The following HIRA variants were observed in gnomAD, a reference collection of about 807,000 sequenced individuals.
The protein encoded by HIRA is histone cell cycle regulator.
HIRA carries 13 observed loss-of-function variants against 126.6 expected under a neutral mutation model. The ratio of observed to expected loss-of-function variants is 0.10; its 90% confidence interval spans 0.07 to 0.16. The LOEUF is 0.16. Among genes scored for constraint, HIRA ranks in the 10% least tolerant of loss-of-function variants. HIRA has a pLI of 1.00. For synonymous variants in HIRA, 511 were observed against 520.0 expected (o/e 0.98, Z 0.24); for missense variants, 834 against 1,314.4 (o/e 0.63, Z 5.65).
chr22:19,430,048 C>T (rs1473568613), intron 1 of HIRA: 3 of 152,178 alleles, frequency 2.0e-5, no homozygotes, highest in African/African-American at 7.2e-5. Context: ...CACAGTAAAC[C>T]TAACTTCATC....
At chr22:19,345,357 T>G (rs1302434149) in intron 24 of HIRA, among the ~76,000 whole-genome samples, 5 of 152,224 alleles carry the variant, frequency 3.3e-5, no homozygotes, top group African/African-American at 1.2e-4. Flanking sequence ...CAGCCAAGTA[T>G]TATTGATATT....
chr22:19,423,514 CACACACACACAT>C (rs1430896004), intron 1 of HIRA, among the ~76,000 whole-genome samples: 1,462 of 112,454 alleles, frequency 0.013, 28 homozygotes, highest in East Asian at 0.078. Flanking sequence ...CACACACACA[CACACACACACAT>C]ATTTTCAGCT....
At chr22:19,353,891 A>C in intron 22 of HIRA, 105 bp downstream of exon 22, 1 of 1,375,538 alleles carries the variant, frequency 7.3e-7, no homozygotes, top group Non-Finnish European at 9.9e-7. Flanking sequence ...GCACAGGGGA[A>C]GGGCAGGTGG....
intron 15 of HIRA, among the ~76,000 whole-genome samples, chr22:19,364,152 A>G (rs1296938982): frequency 6.6e-6 from 1 of 151,952 alleles, no homozygotes; most frequent in Non-Finnish European, 1.5e-5. Context: ...TCTAACAAAT[A>G]AAGTCTATTA....
intron 1 of HIRA, among the ~76,000 whole-genome samples, chr22:19,425,945 A>C (rs1275086324): frequency 6.6e-6 from 1 of 152,202 alleles, no homozygotes; most frequent in East Asian, 1.9e-4. Context: ...CGGGAGGTGG[A>C]GGTTGCAGTG....
chr22:19,339,635 C>CA (rs147574342), intron 24 of HIRA, among the ~76,000 whole-genome samples: 7,381 of 68,240 alleles, frequency 0.11, 243 homozygotes, highest in South Asian at 0.22. Flanking sequence ...GACTCCGTCT[C>CA]AAAAAAAAAA....
At chr22:19,336,720 T>G (rs1556006017) in intron 24 of HIRA, among the ~76,000 whole-genome samples, 1 of 152,212 alleles carries the variant, frequency 6.6e-6, no homozygotes. Context: ...CCGGGTTCTT[T>G]GCAGACGTTC....
chr22:19,364,539 C>A (rs1279236938), intron 15 of HIRA, among the ~76,000 whole-genome samples: 1 of 152,168 alleles, frequency 6.6e-6, no homozygotes, highest in Non-Finnish European at 1.5e-5. Flanking sequence ...CAAACATTTT[C>A]ATTCTTATTG....
intron 7 of HIRA, among the ~76,000 whole-genome samples, chr22:19,395,141 C>T (rs1399230623): frequency 1.3e-5 from 2 of 152,170 alleles, no homozygotes; most frequent in East Asian, 3.9e-4. Context: ...CAGAGCATCC[C>T]TCCACATTAT....
rs3214093 is a variant in HIRA, at chr22:19,410,790, GA to G, written c.38-13del. Reference sequence around the variant, plus strand: ...AAAAATCGGCTTGCCTGGAAACAAAGAAAAAAAAATACAGTATCTAAATTGG... The same window carrying G: ...AAAAATCGGCTTGCCTGGAAACAAAGAAAAAAAATACAGTATCTAAATTGG... On this transcript the variant is annotated splice_polypyrimidine_tract_variant and intron_variant, in intron 1 of 24. Transcript: ENST00000263208. The G allele has an allele frequency of 9.4e-5, 148 of 1,571,370 alleles. 1 individual carries two copies. The highest frequency in any genetic ancestry group is 1.1e-4 in the South Asian group (9 of 84,044).
intron 1 of HIRA, among the ~76,000 whole-genome samples, chr22:19,429,372 G>T (rs942112567): frequency 5.9e-5 from 9 of 152,008 alleles, no homozygotes; most frequent in African/African-American, 2.2e-4. Context: ...TCTTGACCTC[G>T]TGATCCACCT....
chr22:19,410,694 T>C, intron 2 of HIRA, 22 bp downstream of exon 2: 1 of 1,596,282 alleles, frequency 6.3e-7, no homozygotes, highest in Non-Finnish European at 8.6e-7. Context: ...AAGCTTTCCC[T>C]TTCTTTATTC....
chr22:19,338,698 A>G (rs1254929180), intron 24 of HIRA, among the ~76,000 whole-genome samples: 2 of 152,256 alleles, frequency 1.3e-5, no homozygotes, highest in African/African-American at 4.8e-5. Context: ...ACTTTAAAGC[A>G]ACAATAGTTG....
intron 9 of HIRA, among the ~76,000 whole-genome samples, chr22:19,389,087 C>CCGACTATTAATACTTTGATGAATTATTAT (rs2089153634): frequency 6.6e-6 from 1 of 152,176 alleles, no homozygotes; most frequent in Non-Finnish European, 1.5e-5. Context: ...GGCCTAGTTA[C>CCGACTATTAATACTTTGATGAATTATTAT]CGACTATTAA....
intron 17 of HIRA, among the ~76,000 whole-genome samples, chr22:19,360,631 G>A (rs1182028461): frequency 1.3e-5 from 2 of 152,172 alleles, no homozygotes; most frequent in Non-Finnish European, 2.9e-5. Flanking sequence ...GAGGTACAAG[G>A]GTATGCAGAG....
intron 5 of HIRA, among the ~76,000 whole-genome samples, chr22:19,403,745 T>C (rs530133619): frequency 6.6e-6 from 1 of 152,364 alleles, no homozygotes; most frequent in East Asian, 1.9e-4. Context: ...TTTCTTGTAT[T>C]TTCCAGATAC....
Position 19,331,550 on chromosome 22 carries a change from G to A in HIRA, c.2944C>T (p.Arg982Trp), listed in dbSNP as rs1556004628. The A allele has an allele frequency of 6.3e-6, 10 of 1,598,704 alleles. No homozygotes were observed. Among genetic ancestry groups the A allele is most frequent in the African/African-American group, 1.3e-5 (1 of 74,876 alleles). ...SQWESTVVGL[R>W]KRELLKELLP... The stretch of plus-strand genomic sequence containing the variant: ...AGCTCCTTCAGCAGCTCCCTCTTCC[G>A]CAGACCCTGTGGACACAGAGTGACA... Residue 982 changes from arginine (R) to tryptophan (W), a missense_variant, in exon 25 of 25, where the codon CGG becomes TGG. Coordinates refer to ENST00000263208, the MANE Select transcript of HIRA (RefSeq NM_003325.4).
intron 24 of HIRA, among the ~76,000 whole-genome samples, chr22:19,345,747 C>T (rs1349519464): frequency 6.6e-6 from 1 of 152,150 alleles, no homozygotes; most frequent in African/African-American, 2.4e-5. Context: ...CACTGAAGAC[C>T]ACAGCAAAGG....
chr22:19,359,253 C>A (rs930972860), intron 18 of HIRA, 83 bp downstream of exon 18: 1 of 1,385,116 alleles, frequency 7.2e-7, no homozygotes, highest in Non-Finnish European at 9.4e-7. Flanking sequence ...GGGTCATGCA[C>A]CTCCCCTAGA....
Sources: allele counts gnomAD v4.1 joint callset (sites outside exome capture counted in the v4.1 genomes callset), GRCh38; gene constraint gnomAD v4.1.1; transcripts MANE v1.5; gene names NCBI Gene and HGNC (gene_info 2026-07-23, HGNC 2026-07-21).